The following RNF2 variants were observed in gnomAD, a reference collection of about 807,000 sequenced individuals.
The protein encoded by RNF2 is E3 ubiquitin-protein ligase RING2.
Under a neutral mutation model 37.2 loss-of-function variants are expected in RNF2, and 6 were observed. The observed-to-expected ratio is 0.16, with a 90% CI of 0.09 to 0.32. The LOEUF (loss-of-function observed/expected upper bound fraction) is 0.32. Among genes scored for constraint, RNF2 ranks in the 10% least tolerant of loss-of-function variants. The probability of loss-of-function intolerance (pLI) is 1.00; values close to 1 mark genes in which losing one functional copy is unlikely to be tolerated. For synonymous variants in RNF2, 133 were observed against 132.7 expected (o/e 1.00, Z -0.02); for missense variants, 251 against 404.0 (o/e 0.62, Z 3.25).
chr1:185,056,472 A>G (rs1650437680), intron 1 of RNF2, among the ~76,000 whole-genome samples: 1 of 151,918 alleles, frequency 6.6e-6, no homozygotes, highest in South Asian at 2.1e-4. Context: ...GATCCTCCCA[A>G]TTTAGCTTCC....
At chr1:185,085,081 T>C (rs1481391103) in intron 1 of RNF2, among the ~76,000 whole-genome samples, 1 of 152,030 alleles carries the variant, frequency 6.6e-6, no homozygotes, top group Non-Finnish European at 1.5e-5. Context: ...CTTTTCTTTC[T>C]GTGTTCTCTC....
chr1:185,059,499 TTA>T (rs1444200471), intron 1 of RNF2, among the ~76,000 whole-genome samples: 1 of 151,990 alleles, frequency 6.6e-6, no homozygotes, highest in Admixed American at 6.5e-5. Flanking sequence ...CAAATTAGTG[TTA>T]TCTCTAATCA....
intron 1 of RNF2, among the ~76,000 whole-genome samples, chr1:185,061,140 T>G (rs1650588702): frequency 6.6e-6 from 1 of 150,728 alleles, no homozygotes; most frequent in Non-Finnish European, 1.5e-5. Context: ...TTTTTTTTTT[T>G]TTTTTGAGAC....
intron 1 of RNF2, among the ~76,000 whole-genome samples, chr1:185,078,820 G>A (rs1050163729): frequency 3.9e-5 from 6 of 152,134 alleles, no homozygotes; most frequent in Non-Finnish European, 8.8e-5. Context: ...CAAGGCAGGC[G>A]GATCACCTGA....
At chr1:185,091,115 A>T (rs1299837889) in intron 2 of RNF2, among the ~76,000 whole-genome samples, 3 of 152,232 alleles carry the variant, frequency 2.0e-5, no homozygotes, top group Non-Finnish European at 2.9e-5. Flanking sequence ...GGGCAGCATG[A>T]AACATAATTT....
At chr1:185,056,813 T>G (rs1303150770) in intron 1 of RNF2, among the ~76,000 whole-genome samples, 3 of 152,216 alleles carry the variant, frequency 2.0e-5, no homozygotes, top group African/African-American at 7.2e-5. Flanking sequence ...AATAAAATAG[T>G]ATTCAGTTGT....
chr1:185,062,102 A>G (rs575603920), intron 1 of RNF2, among the ~76,000 whole-genome samples: 1 of 152,364 alleles, frequency 6.6e-6, no homozygotes, highest in East Asian at 1.9e-4. Flanking sequence ...ACATGGAAGA[A>G]AACTGCTAGG....
intron 1 of RNF2, among the ~76,000 whole-genome samples, chr1:185,058,804 A>G (rs918178576): frequency 1.3e-5 from 2 of 152,198 alleles, no homozygotes; most frequent in African/African-American, 4.8e-5. Context: ...GCTCTTTGCA[A>G]TATTTCCAGA....
chr1:185,045,813 C>T lies in RNF2; in HGVS notation c.-3+164C>T, dbSNP rs1466058344. Among the ~76,000 whole-genome samples, 5 of 152,278 alleles carry T rather than the reference C, an allele frequency of 3.3e-5. 1 individual carries two copies. The highest frequency in any genetic ancestry group is 1.2e-4 in the African/African-American group (5 of 41,584). On this transcript the variant is annotated intron_variant, in intron 1 of 6. Transcript: ENST00000367510. Reference sequence around the variant, plus strand: ...GGCGCCGCCGCCGCCCCCGGCCGCTCTCGCGGCGGAGACGGCGGGTGAAGC... The same window carrying T: ...GGCGCCGCCGCCGCCCCCGGCCGCTTTCGCGGCGGAGACGGCGGGTGAAGC...
intron 1 of RNF2, among the ~76,000 whole-genome samples, chr1:185,053,924 C>T (rs375781471): frequency 6.6e-6 from 1 of 152,054 alleles, no homozygotes; most frequent in Non-Finnish European, 1.5e-5. Flanking sequence ...GTAGCTCATT[C>T]TTGGATGGAT....
At chr1:185,054,783 C>G (rs148101368) in intron 1 of RNF2, among the ~76,000 whole-genome samples, 1 of 152,156 alleles carries the variant, frequency 6.6e-6, no homozygotes, top group Admixed American at 6.5e-5. Context: ...CTGCATCCTC[C>G]GCCTGCCGGG....
chr1:185,055,023 T>A (rs1650393286), intron 1 of RNF2, among the ~76,000 whole-genome samples: 1 of 152,214 alleles, frequency 6.6e-6, no homozygotes, highest in South Asian at 2.1e-4. Flanking sequence ...AGGTTGCATG[T>A]GTTGATTGTA....
intron 4 of RNF2, among the ~76,000 whole-genome samples, chr1:185,094,730 A>G (rs1334397581): frequency 6.6e-6 from 1 of 152,184 alleles, no homozygotes; most frequent in Non-Finnish European, 1.5e-5. Context: ...TAAAAACTAA[A>G]AGACTTTAAT....
chr1:185,090,008 A>G (rs551289589), intron 2 of RNF2, among the ~76,000 whole-genome samples: 20 of 151,808 alleles, frequency 1.3e-4, no homozygotes, highest in African/African-American at 4.3e-4. Context: ...TGCAACCTCT[A>G]CCTCCCAGAT....
intron 1 of RNF2, among the ~76,000 whole-genome samples, chr1:185,083,584 G>T (rs1651492853): frequency 6.6e-6 from 1 of 152,018 alleles, no homozygotes; most frequent in South Asian, 2.1e-4. Context: ...AGACTTTTGA[G>T]TAGCTGGGAC....
At chr1:185,093,783 C>A (rs904818163) in intron 4 of RNF2, among the ~76,000 whole-genome samples, 1 of 152,154 alleles carries the variant, frequency 6.6e-6, no homozygotes, top group Admixed American at 6.6e-5. Context: ...ATTAACTGTT[C>A]CTTTACTTGT....
At chr1:185,064,765 T>C (rs1650750751) in intron 1 of RNF2, among the ~76,000 whole-genome samples, 1 of 152,354 alleles carries the variant, frequency 6.6e-6, no homozygotes, top group African/African-American at 2.4e-5. Flanking sequence ...CAGAATGTTT[T>C]GTAATTTTCA....
intron 1 of RNF2, among the ~76,000 whole-genome samples, chr1:185,048,562 A>C (rs1167706410): frequency 2.0e-5 from 3 of 152,296 alleles, no homozygotes; most frequent in African/African-American, 7.2e-5. Flanking sequence ...CCTTGGGTTA[A>C]ATTTTCTAAT....
At chr1:185,064,941 A>T (rs1377892425) in intron 1 of RNF2, among the ~76,000 whole-genome samples, 1 of 151,942 alleles carries the variant, frequency 6.6e-6, no homozygotes. Context: ...TGCTGAATTC[A>T]TTTATTCAGC....
Sources: gnomAD v4.1 joint callset for allele counts (sites outside exome capture counted in the v4.1 genomes callset) on GRCh38, gnomAD v4.1.1 for gene constraint, MANE v1.5 for transcripts, NCBI Gene and HGNC (gene_info 2026-07-23, HGNC 2026-07-21) for gene names.